The following EYS variants were observed in gnomAD, a reference collection of about 807,000 sequenced individuals.
EYS encodes EGF-like photoreceptor maintenance factor, also known as protein eyes shut homolog.
EYS carries 250 observed loss-of-function variants against 282.1 expected under a neutral mutation model. That is an observed-to-expected ratio of 0.89 (90% CI 0.80 to 0.98). The LOEUF (loss-of-function observed/expected upper bound fraction) is 0.98, where lower values mean the gene tolerates loss of function less well. Among genes scored for constraint, EYS ranks in the 50% least tolerant of loss-of-function variants. The pLI is 0.00. For synonymous variants in EYS, 1,355 were observed against 1,282.9 expected (o/e 1.06, Z -1.20); for missense variants, 4,016 against 3,709.0 (o/e 1.08, Z -2.15).
intron 31 of EYS, among the ~76,000 whole-genome samples, chr6:64,197,159 A>C (rs1396506200): frequency 6.6e-6 from 1 of 152,120 alleles, no homozygotes; most frequent in Non-Finnish European, 1.5e-5. Context: ...GGTAGTGTTA[A>C]TTTGGGCTGA....
At chr6:65,476,074 T>A (rs1292090011) in intron 5 of EYS, among the ~76,000 whole-genome samples, 5 of 151,894 alleles carry the variant, frequency 3.3e-5, no homozygotes, top group Non-Finnish European at 7.4e-5. Flanking sequence ...TAAAAAAAAA[T>A]TTAAAAAAAA....
chr6:65,247,884 A>G (rs998125539), intron 12 of EYS, among the ~76,000 whole-genome samples: 3 of 152,068 alleles, frequency 2.0e-5, no homozygotes, highest in Non-Finnish European at 4.4e-5. Flanking sequence ...GACCAAGGTT[A>G]TCTTTAGGCT....
intron 2 of EYS, among the ~76,000 whole-genome samples, chr6:65,515,614 A>G (rs1361453871): frequency 6.6e-6 from 1 of 152,122 alleles, no homozygotes; most frequent in African/African-American, 2.4e-5. Flanking sequence ...TGCAGCCAGA[A>G]AAAATGATGC....
intron 8 of EYS, among the ~76,000 whole-genome samples, chr6:65,372,313 C>T (rs1241756746): frequency 6.6e-6 from 1 of 151,874 alleles, no homozygotes; most frequent in African/African-American, 2.4e-5. Flanking sequence ...TTTGAATAGA[C>T]ACAAACCAGA....
chr6:65,353,101 A>G (rs969262150), intron 9 of EYS, among the ~76,000 whole-genome samples: 10 of 151,724 alleles, frequency 6.6e-5, no homozygotes, highest in Non-Finnish European at 1.3e-4. Context: ...GCTTATAAGC[A>G]TTCATGGAAT....
chr6:63,753,949 T>C (rs994128188), intron 41 of EYS, among the ~76,000 whole-genome samples: 3 of 148,638 alleles, frequency 2.0e-5, no homozygotes, highest in Non-Finnish European at 4.4e-5. Context: ...GTCTTACCCA[T>C]CCTTTGAAAC....
Position 65,319,265 on chromosome 6 carries a change from A to T in EYS, c.1766+15715T>A, listed in dbSNP as rs928072617. Among the ~76,000 whole-genome samples the T allele has an allele frequency of 2.7e-4, 40 of 147,200 alleles. 2 individuals are homozygous for T. The highest frequency in any genetic ancestry group is 6.8e-4 in the African/African-American group (27 of 39,966). ...CATCGTGGCACATGCCTGTAATCCC[A>T]GCTACTTGGGAGGCGGAGGCAGGAG... On this transcript the variant is annotated intron_variant, in intron 11 of 42. Transcript: ENST00000503581.
chr6:64,749,215 G>A (rs984570595), intron 22 of EYS, among the ~76,000 whole-genome samples: 1 of 152,172 alleles, frequency 6.6e-6, no homozygotes, highest in Non-Finnish European at 1.5e-5. Flanking sequence ...AAATGAAAAT[G>A]AGATATACAA....
intron 30 of EYS, among the ~76,000 whole-genome samples, chr6:64,248,858 C>G (rs1252563672): frequency 6.6e-6 from 1 of 151,906 alleles, no homozygotes; most frequent in Non-Finnish European, 1.5e-5. Flanking sequence ...GAGTTCGAGA[C>G]CAGCCTGGGC....
chr6:65,266,503 G>A (rs953663267), intron 12 of EYS, among the ~76,000 whole-genome samples: 1 of 151,754 alleles, frequency 6.6e-6, no homozygotes, highest in Non-Finnish European at 1.5e-5. Flanking sequence ...TGAATGAATG[G>A]ATGAATGAAT....
chr6:65,000,733 G>A (rs908944188), intron 13 of EYS, among the ~76,000 whole-genome samples: 6 of 152,152 alleles, frequency 3.9e-5, no homozygotes, highest in African/African-American at 1.4e-4. Flanking sequence ...AGCCTAGATC[G>A]TGCCACTGCA....
chr6:64,412,294 A>T (rs1773926535), intron 28 of EYS, among the ~76,000 whole-genome samples: 1 of 152,104 alleles, frequency 6.6e-6, no homozygotes, highest in South Asian at 2.1e-4. Context: ...ATTCTTTGAC[A>T]AACTAGTGTA....
At chr6:64,206,725 T>C (rs1369662464) in intron 31 of EYS, among the ~76,000 whole-genome samples, 3 of 152,194 alleles carry the variant, frequency 2.0e-5, no homozygotes, top group Non-Finnish European at 2.9e-5. Flanking sequence ...CTATATTGAT[T>C]GTGGCAACTC....
At chr6:65,135,497 T>C (rs1447722337) in intron 12 of EYS, among the ~76,000 whole-genome samples, 1 of 152,030 alleles carries the variant, frequency 6.6e-6, no homozygotes, top group African/African-American at 2.4e-5. Context: ...TGACTATATT[T>C]CAAGTTTATA....
chr6:63,780,592 G>T (rs1003324038), intron 39 of EYS, among the ~76,000 whole-genome samples: 1 of 152,024 alleles, frequency 6.6e-6, no homozygotes, highest in African/African-American at 2.4e-5. Context: ...TTTTGATAGG[G>T]TTGTTTGATT....
intron 30 of EYS, among the ~76,000 whole-genome samples, chr6:64,279,384 A>AT (rs1423801731): frequency 6.6e-6 from 1 of 151,690 alleles, no homozygotes; most frequent in African/African-American, 2.4e-5. Flanking sequence ...TTTTATTTTT[A>AT]TTTTTTGTAA....
intron 30 of EYS, among the ~76,000 whole-genome samples, chr6:64,288,702 A>C (rs552543879): frequency 6.6e-6 from 1 of 152,218 alleles, no homozygotes; most frequent in East Asian, 1.9e-4. Context: ...AAGTAGTAGC[A>C]CAGGAAGAAT....
intron 9 of EYS, among the ~76,000 whole-genome samples, chr6:65,351,838 A>G (rs937314889): frequency 6.6e-6 from 1 of 151,796 alleles, no homozygotes; most frequent in African/African-American, 2.4e-5. Flanking sequence ...CTGTAATGAG[A>G]GTTCACCATT....
intron 19 of EYS, among the ~76,000 whole-genome samples, chr6:64,825,338 G>T (rs563775379): frequency 3.2e-4 from 49 of 151,890 alleles, no homozygotes; most frequent in African/African-American, 1.2e-3. Flanking sequence ...TCCATAAGAT[G>T]TATTCATCTT....
Sources: gnomAD v4.1 joint callset for allele counts (sites outside exome capture counted in the v4.1 genomes callset) on GRCh38, gnomAD v4.1.1 for gene constraint, MANE v1.5 for transcripts, NCBI Gene and HGNC (gene_info 2026-07-23, HGNC 2026-07-21) for gene names.